The following TRMT112 variants were observed in gnomAD, a reference collection of about 807,000 sequenced individuals.
TRMT112 encodes tRNA methyltransferase activator subunit 11-2.
In TRMT112, 9 loss-of-function variants were observed where a neutral mutation model predicts 13.8. The ratio of observed to expected loss-of-function variants is 0.65; its 90% CI spans 0.39 to 1.14. The LOEUF (loss-of-function observed/expected upper bound fraction) is 1.14, where lower values mean the gene tolerates loss of function less well. Ranked by LOEUF, TRMT112 falls within the 50% of genes most tolerant of loss-of-function variation. TRMT112 has a pLI of 0.01. For synonymous variants in TRMT112, 64 were observed against 67.0 expected, an observed-to-expected ratio of 0.96 and a Z score of 0.22; for missense variants, 196 against 165.5, an observed-to-expected ratio of 1.18 and a Z score of -1.01.
At chr11:64,317,865 C>A, upstream of TRMT112, 5 of 1,118,534 alleles carry the variant, frequency 4.5e-6, no homozygotes, top group South Asian at 7.6e-5. Context: ...CCTACACAGG[C>A]GCCTAACACC....
At chr11:64,318,243 A>G (rs1246026805), upstream of TRMT112, 3 of 1,611,852 alleles carry the variant, frequency 1.9e-6, no homozygotes, top group Middle Eastern at 2.2e-4. Context: ...GTGCGCCCTG[A>G]GACGCTCAGC....
At position 64,317,250 on chromosome 11, in the gene TRMT112, G is replaced by T. The variant is rs747347281; in HGVS notation, c.180+14C>A. 2.2e-5 allele frequency: 35 copies of T among 1,609,090 alleles called. No individual in the cohort carries two copies. The highest frequency in any genetic ancestry group is 2.8e-5 in the Non-Finnish European group (33 of 1,175,736). ...ATTCCCCGGGATATGCTGGGGCGGG[G>T]TAAGGATCCTCACGTTATCGGCCGC... On this transcript the variant is annotated intron_variant, in intron 2 of 3. Transcript: ENST00000544844.
upstream of TRMT112, chr11:64,318,179 A>C: frequency 6.2e-7 from 1 of 1,609,130 alleles, no homozygotes; most frequent in Middle Eastern, 2.3e-4. Flanking sequence ...CGGTGGCACC[A>C]GCCAGGAGGC....
rs750819853 is a variant in TRMT112 at position 64,317,379 on chromosome 11, G to C, written c.79-14C>G. 1.9e-6 allele frequency: 3 copies of C among 1,614,108 alleles called. No homozygotes were observed. Among genetic ancestry groups the C allele is most frequent in the Non-Finnish European group, 2.5e-6 (3 of 1,179,998 alleles). The stretch of plus-strand genomic sequence containing the variant: ...GACCTCGGTGGCCTGCAGGGCGGAG[G>C]AGTTTAGGCAAGCACTGGACCCCGG... On this transcript the variant is annotated splice_polypyrimidine_tract_variant and intron_variant, in intron 1 of 3. Transcript: ENST00000544844.
chr11:64,318,060 C>G, upstream of TRMT112: 9 of 1,438,852 alleles, frequency 6.3e-6, no homozygotes, highest in Non-Finnish European at 8.2e-6. Context: ...GCGTGGGTCC[C>G]GGAAGCTCTG....
intron 1 of TRMT112, 23 bp from the exon 2 acceptor site, chr11:64,317,388 C>T (rs1212985340): frequency 1.2e-6 from 2 of 1,613,992 alleles, no homozygotes; most frequent in Non-Finnish European, 1.7e-6. Context: ...GGAGTTTAGG[C>T]AAGCACTGGA....
In TRMT112 at chr11:64,317,001, G is replaced by A. The variant is rs1443616568; in HGVS notation, c.271-33C>T. ...CAGGGAGGGACAGAGCTGAGCACTG[G>A]CAGCCTCAGTGCGGGAGGCAGGTGG... On this transcript the variant is annotated intron_variant, in intron 3 of 3. Transcript: ENST00000544844. The A allele has an allele frequency of 1.9e-6, 3 of 1,606,236 alleles. No individual in the cohort carries two copies. In the African/African-American group the frequency reaches 4.0e-5, roughly 21 times the overall value.
At position 64,316,462 on chromosome 11, in the gene TRMT112, A is replaced by G; in HGVS notation, c.*399T>C. ...CCCCCTTGAAGCAATAACTCCAAGC[A>G]GACTCCAGCCCCTGGACCCCTGGGG... On this transcript the variant is annotated 3_prime_UTR_variant, in exon 4 of 4. Transcript: ENST00000544844. The G allele has an allele frequency of 4.8e-6, 1 of 209,914 alleles. No homozygotes were observed. The highest frequency in any genetic ancestry group is 9.8e-6 in the Non-Finnish European group (1 of 101,662). 13.0% of individuals were successfully genotyped at this position (209,914 alleles called of 1,614,324 possible).
chr11:64,317,014 G>A (rs371691077), intron 3 of TRMT112, 44 bp downstream of exon 3: 283 of 1,610,540 alleles, frequency 1.8e-4, no homozygotes, highest in Non-Finnish European at 2.3e-4. Context: ...GCCTCAGTGC[G>A]GGAGGCAGGT....
At chr11:64,318,269 C>G (rs760310200), upstream of TRMT112, 1 of 1,612,400 alleles carries the variant, frequency 6.2e-7, no homozygotes, top group Non-Finnish European at 8.5e-7. Context: ...ATATACTCGT[C>G]GGTGGGGCCG....
chr11:64,317,707 G>T, upstream of TRMT112: 3 of 774,956 alleles, frequency 3.9e-6, no homozygotes, highest in Admixed American at 3.2e-5. Flanking sequence ...GTCGGGTCAC[G>T]CGCCGCTACC....
rs561379177 is a variant in TRMT112, at chr11:64,316,541, C to A, written c.*320G>T. The A allele has an allele frequency of 3.4e-4, 95 of 281,336 alleles. 2 individuals carry two copies. The South Asian group carries it at 3.7e-3, about 11-fold the overall frequency. The allele number at this position is 281,336 out of a possible 1,614,324, so 17.4% of individuals were successfully genotyped here. On this transcript the variant is annotated 3_prime_UTR_variant, in exon 4 of 4. Transcript: ENST00000544844. Reference sequence around the variant, plus strand: ...CGAGCCTCCTCAGGGGGTAGGAGAGCACTGCCTCTATGCCCTGCAGAGCAA... The same window carrying A: ...CGAGCCTCCTCAGGGGGTAGGAGAGAACTGCCTCTATGCCCTGCAGAGCAA...
Position 64,316,826 on chromosome 11 carries a change from A to G in TRMT112, c.*35T>C, listed in dbSNP as rs747859882. The G allele has an allele frequency of 1.6e-5, 23 of 1,428,158 alleles. No homozygotes were observed. In the Admixed American group the frequency reaches 3.7e-4, roughly 23 times the overall value. 88.5% of individuals were successfully genotyped at this position (1,428,158 alleles called of 1,614,324 possible). A position where few individuals can be genotyped will look rare whatever the true frequency, so the allele number is the denominator to read the frequency against. On this transcript the variant is annotated 3_prime_UTR_variant, in exon 4 of 4. Coordinates refer to ENST00000544844, the MANE Select transcript of TRMT112 (RefSeq NM_016404.3). ...ACAGGGTATAGATCAACAAAAATACACAGTCATAACAAGAAAAACTGGCGC... is the reference window on the plus strand; with the variant it reads ...ACAGGGTATAGATCAACAAAAATACGCAGTCATAACAAGAAAAACTGGCGC...
Position 64,317,374 on chromosome 11 carries a change from CGGA to C in TRMT112, c.79-12_79-10del. 3 of 1,614,132 alleles carry C rather than the reference CGGA, an allele frequency of 1.9e-6. No individual in the cohort carries two copies. Among genetic ancestry groups the C allele is most frequent in the South Asian group, 1.1e-5 (1 of 91,084 alleles). On this transcript the variant is annotated splice_polypyrimidine_tract_variant and intron_variant, in intron 1 of 3. Coordinates refer to ENST00000544844, the MANE Select transcript of TRMT112 (RefSeq NM_016404.3). ...ATACGGACCTCGGTGGCCTGCAGGG[CGGA>C]GGAGTTTAGGCAAGCACTGGACCCC...
At chr11:64,317,732 A>G (rs1007581684), upstream of TRMT112, 4 of 743,692 alleles carry the variant, frequency 5.4e-6, no homozygotes, top group African/African-American at 7.1e-5. Flanking sequence ...GCGTCTCAGC[A>G]GGAGGTTCCT....
In TRMT112 at chr11:64,316,632, G is replaced by C. The variant is rs998629803; in HGVS notation, c.*229C>G. ...GGGACATGGGGCAAGCCAGGGCCCA[G>C]AGCCCTTGGCTGTACAGAGACTCTA... is the stretch of plus-strand genomic sequence containing the variant. On this transcript the variant is annotated 3_prime_UTR_variant, in exon 4 of 4. Transcript: ENST00000544844. The C allele has an allele frequency of 6.8e-5, 35 of 516,614 alleles. No individual in the cohort carries two copies. Among genetic ancestry groups the C allele is most frequent in the Admixed American group, 4.1e-4 (12 of 29,096 alleles). The allele number at this position is 516,614 out of a possible 1,614,324, so 32.0% of individuals were successfully genotyped here. A position where few individuals can be genotyped will look rare whatever the true frequency, so the allele number is the denominator to read the frequency against.
chr11:64,318,125 C>T (rs1296335549), upstream of TRMT112: 7 of 1,550,256 alleles, frequency 4.5e-6, no homozygotes, highest in South Asian at 2.4e-5. Context: ...GCCCGCCTTC[C>T]GCAGGGTGTC....
At chr11:64,317,746 G>A (rs1319305582), upstream of TRMT112, 1 of 749,516 alleles carries the variant, frequency 1.3e-6, no homozygotes, top group East Asian at 2.9e-5. Context: ...GGTTCCTACG[G>A]CGCACGCCCA....
At chr11:64,317,900 G>C, upstream of TRMT112, 1 of 1,341,302 alleles carries the variant, frequency 7.5e-7, no homozygotes, top group Non-Finnish European at 9.6e-7. Context: ...CCCACTTTCG[G>C]TTAAGGGGCA....
Sources: gnomAD v4.1 joint callset for allele counts on GRCh38, gnomAD v4.1.1 for gene constraint, MANE v1.5 for transcripts, NCBI Gene and HGNC (gene_info 2026-07-23, HGNC 2026-07-21) for gene names.